Variants in ANGPT1 observed in about 807,000 individuals in gnomAD.
ANGPT1 encodes the protein angiopoietin-1.
Under a neutral mutation model 62.2 loss-of-function variants are expected in ANGPT1, and 17 were observed. The observed-to-expected ratio is 0.27, with a 90% CI of 0.19 to 0.41. ANGPT1 has a LOEUF of 0.41. Among genes scored for constraint, ANGPT1 ranks in the 10% least tolerant of loss-of-function variants. ANGPT1 has a pLI of 1.00. For synonymous variants in ANGPT1, 199 were observed against 198.9 expected (o/e 1.00, Z 0.00); for missense variants, 478 against 594.9 (o/e 0.80, Z 2.04).
rs1178981620 is a variant in ANGPT1 at position 107,303,333 on chromosome 8, T to C, written c.843A>G (p.Lys281=). ...LLKGGKREEE[K]PFRDCADVYQ... is the part of the protein sequence containing the mutation. ...ATACATCTGCACAGTCTCTAAATGG[T>C]TTCTCTTCCTCTCTTTTTCCTCCCT... The change falls in exon 5 of 9, where the codon AAA becomes AAG. Residue 281 remains lysine (K), a synonymous_variant. Coordinates refer to ENST00000517746, the MANE Select transcript of ANGPT1 (RefSeq NM_001146.5). 1 of 1,605,290 alleles carries C rather than the reference T, an allele frequency of 6.2e-7. No homozygotes were observed. Among genetic ancestry groups the C allele is most frequent in the Non-Finnish European group, 8.5e-7 (1 of 1,175,316 alleles).
At chr8:107,331,871 T>C (rs1294978668) in intron 3 of ANGPT1, among the ~76,000 whole-genome samples, 1 of 152,172 alleles carries the variant, frequency 6.6e-6, no homozygotes, top group African/African-American at 2.4e-5. Flanking sequence ...AAAGCCCGTG[T>C]GCTCCGTCTT....
At chr8:107,491,696 A>G (rs781282586) in intron 1 of ANGPT1, among the ~76,000 whole-genome samples, 8 of 152,214 alleles carry the variant, frequency 5.3e-5, no homozygotes, top group Non-Finnish European at 7.3e-5. Context: ...GTTTGAAGGT[A>G]GTAAATGATG....
At chr8:107,299,561 TATAG>T (rs1243189119) in intron 5 of ANGPT1, among the ~76,000 whole-genome samples, 2 of 132,042 alleles carry the variant, frequency 1.5e-5, no homozygotes, top group East Asian at 2.1e-4. Context: ...ACATAGCATA[TATAG>T]ATATATATAG....
At chr8:107,376,559 CTGTT>C (rs759011030) in intron 1 of ANGPT1, among the ~76,000 whole-genome samples, 12 of 151,970 alleles carry the variant, frequency 7.9e-5, no homozygotes, top group Non-Finnish European at 1.8e-4. Flanking sequence ...TGTGGGTTTT[CTGTT>C]TGTTTGGTTG....
At chr8:107,322,790 GA>G (rs2130067176) in intron 3 of ANGPT1, 2 of 252,104 alleles carry the variant, frequency 7.9e-6, no homozygotes, top group Non-Finnish European at 1.6e-5. Context: ...TATGTTAGGT[GA>G]AAAAAGAAAA....
chr8:107,447,308 C>T (rs896644330), intron 1 of ANGPT1, among the ~76,000 whole-genome samples: 10 of 152,180 alleles, frequency 6.6e-5, no homozygotes, highest in African/African-American at 2.2e-4. Flanking sequence ...AGGCAAAGTG[C>T]CTGTGGGGCA....
At chr8:107,389,290 G>T in intron 1 of ANGPT1, among the ~76,000 whole-genome samples, 1 of 152,124 alleles carries the variant, frequency 6.6e-6, no homozygotes, top group East Asian at 1.9e-4. Context: ...CAAGGACTAC[G>T]TGCTATGTCT....
At chr8:107,325,760 A>T (rs76033415) in intron 3 of ANGPT1, among the ~76,000 whole-genome samples, 6,828 of 152,014 alleles carry the variant, frequency 0.045, 425 homozygotes, top group African/African-American at 0.14. Context: ...CTTTTTTTTT[A>T]AATTTTTGCA....
chr8:107,382,058 C>A (rs1471061479), intron 1 of ANGPT1, among the ~76,000 whole-genome samples: 1 of 152,124 alleles, frequency 6.6e-6, no homozygotes. Context: ...TTTCTTCCTG[C>A]CTCTATATTC....
chr8:107,269,490 T>C (rs757638267), intron 7 of ANGPT1, among the ~76,000 whole-genome samples: 23 of 152,102 alleles, frequency 1.5e-4, no homozygotes, highest in Non-Finnish European at 2.5e-4. Context: ...AAAATCAATA[T>C]ACAGGATGGC....
chr8:107,485,364 C>G (rs578103180), intron 1 of ANGPT1, among the ~76,000 whole-genome samples: 54 of 152,254 alleles, frequency 3.5e-4, no homozygotes, highest in South Asian at 2.1e-3. Context: ...ATTTTGTCCC[C>G]ACCCTGCTTT....
At chr8:107,412,339 C>T (rs1586300468) in intron 1 of ANGPT1, among the ~76,000 whole-genome samples, 1 of 152,090 alleles carries the variant, frequency 6.6e-6, no homozygotes, top group African/African-American at 2.4e-5. Context: ...GAGTCAGTTT[C>T]TCTTGAATCA....
At position 107,250,161 on chromosome 8, in the gene ANGPT1, C is replaced by T. The variant is rs1433008012; in HGVS notation, c.*1694G>A. 1 of 152,150 alleles carries T rather than the reference C, an allele frequency of 6.6e-6. No individual in the cohort carries two copies. Among genetic ancestry groups the T allele is most frequent in the East Asian group, 1.9e-4 (1 of 5,188 alleles). The allele number at this position is 152,150 out of a possible 1,614,324, so 9.4% of individuals were successfully genotyped here. A position where few individuals can be genotyped will look rare whatever the true frequency, so the allele number is the denominator to read the frequency against. ...TTTGAAACTGGTATTGCTACCTTGC[C>T]AACAACTGTCTCTTTTATGAGAGGA... On this transcript the variant is annotated 3_prime_UTR_variant, in exon 9 of 9. Coordinates refer to ENST00000517746, the MANE Select transcript of ANGPT1 (RefSeq NM_001146.5).
intron 8 of ANGPT1, among the ~76,000 whole-genome samples, chr8:107,257,876 G>GTTTTTTTTTTTTTTTTTTTTTTTTTTTT (rs1371396961): frequency 3.5e-5 from 3 of 85,302 alleles, no homozygotes; most frequent in Middle Eastern, 7.9e-3. Flanking sequence ...ACTTGTTTTT[G>GTTTTTTTTTTTTTTTTTTTTTTTTTTTT]TTTCTTTTTT....
At chr8:107,464,930 A>T (rs1480866744) in intron 1 of ANGPT1, among the ~76,000 whole-genome samples, 1 of 152,102 alleles carries the variant, frequency 6.6e-6, no homozygotes, top group Non-Finnish European at 1.5e-5. Context: ...TGCCCAACAC[A>T]TGGGGGGATC....
chr8:107,479,465 C>T (rs1224388772), intron 1 of ANGPT1, among the ~76,000 whole-genome samples: 1 of 152,096 alleles, frequency 6.6e-6, no homozygotes, highest in African/African-American at 2.4e-5. Flanking sequence ...CATTCAAGTC[C>T]AGATTCTATG....
At chr8:107,312,363 G>A (rs1814894704) in intron 4 of ANGPT1, among the ~76,000 whole-genome samples, 1 of 152,138 alleles carries the variant, frequency 6.6e-6, no homozygotes. Context: ...CATACATGTG[G>A]GAAAGCTTAA....
chr8:107,461,429 G>A (rs537411322), intron 1 of ANGPT1, among the ~76,000 whole-genome samples: 21 of 152,046 alleles, frequency 1.4e-4, no homozygotes, highest in East Asian at 1.2e-3. Context: ...CTTAAGATTC[G>A]GTCCTATCAC....
chr8:107,328,817 G>T (rs1029037399), intron 3 of ANGPT1, among the ~76,000 whole-genome samples: 3 of 151,778 alleles, frequency 2.0e-5, no homozygotes, highest in Non-Finnish European at 4.4e-5. Flanking sequence ...GGTACTCTTA[G>T]GGAGAAGGTA....
Sources: gnomAD v4.1 joint callset for allele counts (sites outside exome capture counted in the v4.1 genomes callset) on GRCh38, gnomAD v4.1.1 for gene constraint, MANE v1.5 for transcripts, NCBI Gene and HGNC (gene_info 2026-07-23, HGNC 2026-07-21) for gene names.